DTNA: variants seen among roughly 807,000 people sequenced by gnomAD.
DTNA encodes the protein dystrobrevin alpha, also known as dystrophin-related protein 3.
In DTNA, 43 loss-of-function variants were observed where a neutral mutation model predicts 100.7. That is an observed-to-expected ratio of 0.43 (90% CI 0.33 to 0.55). The LOEUF (loss-of-function observed/expected upper bound fraction) is 0.55. DTNA is among the 20% of genes least tolerant of loss of function. The pLI is 0.04. For missense variants in DTNA, 798 were observed against 953.9 expected (o/e 0.84, Z 2.15); for synonymous variants, 349 against 347.9 (o/e 1.00, Z -0.04).
intron 13 of DTNA, among the ~76,000 whole-genome samples, chr18:34,840,676 G>A (rs541074301): frequency 4.6e-5 from 7 of 152,226 alleles, no homozygotes; most frequent in Middle Eastern, 3.4e-3. Context: ...GACACCTTGC[G>A]TCTGCCTGAT....
intron 16 of DTNA, among the ~76,000 whole-genome samples, chr18:34,860,519 G>C (rs1036319826): frequency 1.3e-5 from 2 of 152,150 alleles, no homozygotes; most frequent in African/African-American, 4.8e-5. Flanking sequence ...AAGACGAAAT[G>C]AAGCAAGTTC....
intron 1 of DTNA, among the ~76,000 whole-genome samples, chr18:34,598,726 TGTG>T (rs2051154397): frequency 6.6e-6 from 1 of 151,750 alleles, no homozygotes; most frequent in African/African-American, 2.4e-5. Context: ...ATTAGCCAGG[TGTG>T]GTGGTGGGCA....
chr18:34,497,024 A>T (rs531667940), intron 1 of DTNA, among the ~76,000 whole-genome samples: 7 of 152,212 alleles, frequency 4.6e-5, no homozygotes, highest in Non-Finnish European at 1.0e-4. Context: ...TTTAAAGCAC[A>T]TGGAACATGT....
rs904598473 is a variant in DTNA at position 34,839,307 on chromosome 18, A to G, written c.1346+470A>G. 5.3e-5 allele frequency among the ~76,000 whole-genome samples: 8 copies of G among 152,364 alleles called. No individual in the cohort carries two copies. The South Asian group carries it at 1.2e-3, about 24-fold the overall frequency. On this transcript the variant is annotated intron_variant, in intron 13 of 22. Coordinates refer to ENST00000444659, the MANE Select transcript of DTNA (RefSeq NM_001386795.1). ...AATGGAAATCATTTCTTTAACAATGATAACAGTGGGAACAATCGTCTTTCA... is the reference window on the plus strand; with the variant it reads ...AATGGAAATCATTTCTTTAACAATGGTAACAGTGGGAACAATCGTCTTTCA...
At chr18:34,845,956 A>G (rs1203333164) in intron 13 of DTNA, among the ~76,000 whole-genome samples, 1 of 152,178 alleles carries the variant, frequency 6.6e-6, no homozygotes, top group Non-Finnish European at 1.5e-5. Context: ...TGTTTATAAC[A>G]TATCACACAT....
chr18:34,730,262 A>G (rs1159436878), intron 1 of DTNA, among the ~76,000 whole-genome samples: 1 of 152,236 alleles, frequency 6.6e-6, no homozygotes, highest in Non-Finnish European at 1.5e-5. Context: ...AAGCACTGAC[A>G]ACAGCTTGAG....
At chr18:34,670,829 C>T (rs549377985) in intron 1 of DTNA, among the ~76,000 whole-genome samples, 21 of 152,290 alleles carry the variant, frequency 1.4e-4, no homozygotes, top group African/African-American at 5.1e-4. Flanking sequence ...TCAGTCTGCC[C>T]CTACTGGGGG....
At chr18:34,841,141 C>A (rs1385494738) in intron 13 of DTNA, among the ~76,000 whole-genome samples, 1 of 152,104 alleles carries the variant, frequency 6.6e-6, no homozygotes, top group African/African-American at 2.4e-5. Flanking sequence ...GTAAAGGTAT[C>A]ATTTTAGAGA....
chr18:34,664,544 T>C (rs930324141), intron 1 of DTNA, among the ~76,000 whole-genome samples: 2 of 152,146 alleles, frequency 1.3e-5, no homozygotes, highest in Non-Finnish European at 2.9e-5. Context: ...GGTTATACAA[T>C]GTCCATATGT....
intron 15 of DTNA, among the ~76,000 whole-genome samples, chr18:34,857,804 A>C (rs1335713406): frequency 6.6e-6 from 1 of 152,162 alleles, no homozygotes; most frequent in Non-Finnish European, 1.5e-5. Flanking sequence ...GAGGTTACTT[A>C]GTTTTGTGAA....
At chr18:34,537,093 A>G (rs982254258) in intron 1 of DTNA, among the ~76,000 whole-genome samples, 1 of 151,994 alleles carries the variant, frequency 6.6e-6, no homozygotes, top group East Asian at 1.9e-4. Context: ...ACAACTTGCT[A>G]TTACTAGCTA....
At chr18:34,664,671 A>G (rs2075657541) in intron 1 of DTNA, among the ~76,000 whole-genome samples, 1 of 152,192 alleles carries the variant, frequency 6.6e-6, no homozygotes, top group African/African-American at 2.4e-5. Flanking sequence ...AACTTGCTCT[A>G]TCACAGAGAC....
At chr18:34,689,754 C>T (rs2079467475) in intron 1 of DTNA, among the ~76,000 whole-genome samples, 1 of 152,202 alleles carries the variant, frequency 6.6e-6, no homozygotes, top group African/African-American at 2.4e-5. Context: ...CAGCTGCCCC[C>T]TCCCCCAGGT....
At chr18:34,734,365 A>G (rs1361514008) in intron 1 of DTNA, among the ~76,000 whole-genome samples, 4 of 152,118 alleles carry the variant, frequency 2.6e-5, no homozygotes, top group African/African-American at 9.7e-5. Context: ...GGTTCATCAG[A>G]GTTTACAAAC....
intron 1 of DTNA, among the ~76,000 whole-genome samples, chr18:34,522,727 C>G (rs1022851099): frequency 8.5e-5 from 13 of 152,142 alleles, no homozygotes; most frequent in African/African-American, 3.1e-4. Flanking sequence ...TGGAAGGGCT[C>G]CTTGCAGAAA....
intron 15 of DTNA, among the ~76,000 whole-genome samples, chr18:34,856,002 T>G (rs1485800021): frequency 6.6e-6 from 1 of 152,220 alleles, no homozygotes; most frequent in Non-Finnish European, 1.5e-5. Flanking sequence ...CCAACAACCC[T>G]GGCCATGCCT....
At chr18:34,831,231 A>G (rs541371955) in intron 11 of DTNA, among the ~76,000 whole-genome samples, 44 of 152,260 alleles carry the variant, frequency 2.9e-4, no homozygotes, top group African/African-American at 1.0e-3. Flanking sequence ...AATTAGTCAC[A>G]CTTCTTTTAC....
chr18:34,789,476 G>A (rs748110534), intron 3 of DTNA, among the ~76,000 whole-genome samples: 11 of 152,240 alleles, frequency 7.2e-5, no homozygotes, highest in Non-Finnish European at 1.3e-4. Context: ...AGACCATATC[G>A]TAATCCCATT....
chr18:34,743,471 A>T (rs1366930893), intron 1 of DTNA, among the ~76,000 whole-genome samples: 1 of 152,158 alleles, frequency 6.6e-6, no homozygotes, highest in Non-Finnish European at 1.5e-5. Context: ...CCACCACAGA[A>T]AGAATTTAAG....
Sources: gnomAD v4.1 joint callset for allele counts (sites outside exome capture counted in the v4.1 genomes callset) on GRCh38, gnomAD v4.1.1 for gene constraint, MANE v1.5 for transcripts, NCBI Gene and HGNC (gene_info 2026-07-23, HGNC 2026-07-21) for gene names.